TAF8: variants seen among roughly 807,000 people sequenced by gnomAD.
TAF8 encodes TATA-box binding protein associated factor 8.
Under a neutral mutation model 36.5 loss-of-function variants are expected in TAF8, and 47 were observed. The observed-to-expected ratio is 1.29, with a 90% CI of 1.02 to 1.64. TAF8 has a LOEUF of 1.64. TAF8 is among the 40% of genes most tolerant of loss of function. The pLI, the probability that TAF8 is intolerant of heterozygous loss-of-function variation, is 0.00. For synonymous variants in TAF8, 175 were observed against 159.5 expected, an observed-to-expected ratio of 1.10 and a Z score of -0.73; for missense variants, 420 against 407.6, an observed-to-expected ratio of 1.03 and a Z score of -0.26.
chr6:42,080,594 T>A lies in TAF8; in HGVS notation c.*3049T>A. The stretch of plus-strand genomic sequence containing the variant: ...TTTCACCAGGTTGGCCAGGGTGGTC[T>A]CGAACACCTGACCTCAGATGATCCA... On this transcript the variant is annotated 3_prime_UTR_variant, in exon 9 of 9. Coordinates refer to ENST00000372977, the MANE Select transcript of TAF8 (RefSeq NM_138572.3). The A allele has an allele frequency of 1.4e-6, 1 of 713,010 alleles. No homozygotes were observed. The highest frequency in any genetic ancestry group is 1.7e-6 in the Non-Finnish European group (1 of 581,636). The allele number at this position is 713,010 out of a possible 1,614,324, so 44.2% of individuals were successfully genotyped here.
intron 5 of TAF8, among the ~76,000 whole-genome samples, chr6:42,062,683 G>A (rs1326669084): frequency 6.6e-6 from 1 of 150,962 alleles, no homozygotes; most frequent in African/African-American, 2.4e-5. Flanking sequence ...GACTACAAGC[G>A]CCTGCCACCA....
chr6:42,053,576 A>G (rs1764874757), intron 2 of TAF8, among the ~76,000 whole-genome samples: 1 of 147,144 alleles, frequency 6.8e-6, no homozygotes, highest in African/African-American at 2.7e-5. Flanking sequence ...AAAAAAAAAA[A>G]AAGAAAAAAA....
At chr6:42,054,825 T>C (rs112695700) in intron 2 of TAF8, among the ~76,000 whole-genome samples, 12,953 of 152,094 alleles carry the variant, frequency 0.085, 732 homozygotes, top group East Asian at 0.25. Flanking sequence ...AGGCTAGTCT[T>C]GAACTCCTGA....
intron 7 of TAF8, among the ~76,000 whole-genome samples, chr6:42,069,105 C>T (rs2127459853): frequency 6.6e-6 from 1 of 152,180 alleles, no homozygotes; most frequent in South Asian, 2.1e-4. Context: ...ACAGCAAGGA[C>T]ATCAGGGTGG....
downstream of TAF8, chr6:42,087,056 A>G (rs574536706): frequency 1.1e-5 from 5 of 462,436 alleles, no homozygotes; most frequent in Admixed American, 6.9e-5. Context: ...TGAGTGCACC[A>G]TGTCTTGTGG....
At chr6:42,066,983 G>A (rs535891609) in intron 6 of TAF8, among the ~76,000 whole-genome samples, 39 of 152,256 alleles carry the variant, frequency 2.6e-4, no homozygotes, top group African/African-American at 8.4e-4. Flanking sequence ...AGCAGCTGCC[G>A]GTTGTTAAGT....
Position 42,078,997 on chromosome 6 carries a change from C to G in TAF8, c.*1452C>G. ...ATTAGCCGGGTGTGGTTACTCATGC[C>G]TGTAATCCCAGCTACTCGGGAGGCT... On this transcript the variant is annotated 3_prime_UTR_variant, in exon 9 of 9. Coordinates refer to ENST00000372977, the MANE Select transcript of TAF8 (RefSeq NM_138572.3). 1 of 538,296 alleles carries G rather than the reference C, an allele frequency of 1.9e-6. No individual in the cohort carries two copies. Among genetic ancestry groups the G allele is most frequent in the Non-Finnish European group, 2.4e-6 (1 of 421,470 alleles). 33.3% of individuals were successfully genotyped at this position (538,296 alleles called of 1,614,324 possible). A position where few individuals can be genotyped will look rare whatever the true frequency, so the allele number is the denominator to read the frequency against.
downstream of TAF8, among the ~76,000 whole-genome samples, chr6:42,084,418 A>G (rs940759109): frequency 1.1e-4 from 16 of 152,024 alleles, no homozygotes; most frequent in African/African-American, 3.9e-4. Context: ...CCCCACTTAC[A>G]CATGTATCAA....
rs1765822237 is a variant in TAF8, at chr6:42,078,240, G to A, written c.*695G>A. The A allele has an allele frequency of 2.0e-6, 2 of 985,378 alleles. No homozygotes were observed. Among genetic ancestry groups the A allele is most frequent in the Non-Finnish European group, 2.4e-6 (2 of 829,996 alleles). 61.0% of individuals were successfully genotyped at this position (985,378 alleles called of 1,614,324 possible). On this transcript the variant is annotated 3_prime_UTR_variant, in exon 9 of 9. Coordinates refer to ENST00000372977, the MANE Select transcript of TAF8 (RefSeq NM_138572.3). The stretch of plus-strand genomic sequence containing the variant: ...ATGTGGTGGGGCATAGCAGCAGCCA[G>A]TGACTTCGTTCATTATCACAGGATT...
intron 5 of TAF8, chr6:42,057,775 A>AT (rs1765057228): frequency 1.6e-5 from 5 of 303,504 alleles, no homozygotes; most frequent in Admixed American, 6.9e-5. Context: ...AAATAAATAA[A>AT]GAAAAAAAAA....
downstream of TAF8, chr6:42,086,911 G>A (rs1034318287): frequency 3.6e-5 from 27 of 746,840 alleles, no homozygotes; most frequent in African/African-American, 2.3e-4. Context: ...CCCAGGTGAC[G>A]GGCCAGGCGC....
In TAF8 at chr6:42,082,260, C is replaced by G. The variant is rs1262873503; in HGVS notation, c.*4715C>G. On this transcript the variant is annotated 3_prime_UTR_variant, in exon 9 of 9. Coordinates refer to ENST00000372977, the MANE Select transcript of TAF8 (RefSeq NM_138572.3). ...TCCACCTCTCTGCTCTTCCACTTCTCTCCTGGCAGCCACTACTCTGTTCTC... is the reference window on the plus strand; with the variant it reads ...TCCACCTCTCTGCTCTTCCACTTCTGTCCTGGCAGCCACTACTCTGTTCTC... 6.6e-6 allele frequency: 1 copy of G among 152,286 alleles called. No homozygotes were observed. The highest frequency in any genetic ancestry group is 1.5e-5 in the Non-Finnish European group (1 of 68,066). 9.4% of individuals were successfully genotyped at this position (152,286 alleles called of 1,614,324 possible).
chr6:42,065,627 G>A lies in TAF8; in HGVS notation c.490-685G>A, dbSNP rs1373358016. Among the ~76,000 whole-genome samples the A allele has an allele frequency of 2.0e-5, 3 of 152,142 alleles. No homozygotes were observed. In the South Asian group the frequency reaches 6.2e-4, roughly 32 times the overall value. ...GGCAGCCACTCCCATACTGCAGGAG[G>A]TCACATTGCGCTGATGGAACCTGTG... On this transcript the variant is annotated intron_variant, in intron 5 of 8. Transcript: ENST00000372977.
At chr6:42,073,218 T>G (rs1163152518) in intron 7 of TAF8, among the ~76,000 whole-genome samples, 1 of 152,230 alleles carries the variant, frequency 6.6e-6, no homozygotes, top group Non-Finnish European at 1.5e-5. Flanking sequence ...TTGAACCAGC[T>G]GCTCTCTGCA....
rs972996810 is a variant in TAF8 at position 42,074,500 on chromosome 6, C to CA, written c.781-2600_781-2599insA. Among the ~76,000 whole-genome samples, 10 of 152,122 alleles carry CA rather than the reference C, an allele frequency of 6.6e-5. 1 individual carries two copies. Among genetic ancestry groups the CA allele is most frequent in the Admixed American group, 4.6e-4 (7 of 15,272 alleles). ...CTCCTGACGGACCATTCTGCTCCCACTTTTTTTTACAAATCTCTGGGTCAG... is the reference window on the plus strand; with the variant it reads ...CTCCTGACGGACCATTCTGCTCCCACATTTTTTTTACAAATCTCTGGGTCAG... On this transcript the variant is annotated intron_variant, in intron 7 of 8. Coordinates refer to ENST00000372977, the MANE Select transcript of TAF8 (RefSeq NM_138572.3).
chr6:42,074,799 A>C (rs1227383387), intron 7 of TAF8, among the ~76,000 whole-genome samples: 1 of 151,024 alleles, frequency 6.6e-6, no homozygotes, highest in East Asian at 2.0e-4. Context: ...GGCCTCCCAA[A>C]GTGCTAGATT....
intron 2 of TAF8, among the ~76,000 whole-genome samples, chr6:42,052,998 T>A (rs1445888614): frequency 2.0e-5 from 3 of 152,222 alleles, no homozygotes; most frequent in Non-Finnish European, 4.4e-5. Context: ...CTGCAGCTGA[T>A]ATTTGGCACT....
chr6:42,054,239 G>A (rs770455153), intron 2 of TAF8, among the ~76,000 whole-genome samples: 15 of 152,122 alleles, frequency 9.9e-5, no homozygotes, highest in African/African-American at 1.7e-4. Context: ...AGACTTTAAC[G>A]TGACTCTTAA....
intron 5 of TAF8, among the ~76,000 whole-genome samples, chr6:42,061,090 C>G (rs1479642943): frequency 6.6e-6 from 1 of 152,152 alleles, no homozygotes; most frequent in Non-Finnish European, 1.5e-5. Flanking sequence ...CTGAGACCTG[C>G]ACTTAGAGTC....
Sources: gnomAD v4.1 joint callset for allele counts (sites outside exome capture counted in the v4.1 genomes callset) on GRCh38, gnomAD v4.1.1 for gene constraint, MANE v1.5 for transcripts, NCBI Gene and HGNC (gene_info 2026-07-23, HGNC 2026-07-21) for gene names.